PROCR: variants seen among roughly 807,000 people sequenced by gnomAD.
PROCR encodes endothelial protein C receptor.
PROCR carries 22 observed loss-of-function variants against 24.2 expected under a neutral mutation model. The observed-to-expected ratio is 0.91, with a 90% CI of 0.65 to 1.30. The LOEUF (loss-of-function observed/expected upper bound fraction) is 1.30. PROCR is among the 50% of genes most tolerant of loss of function. PROCR has a pLI of 0.00. For missense variants in PROCR, 288 were observed against 307.7 expected, an observed-to-expected ratio of 0.94 and a Z score of 0.48; for synonymous variants, 137 against 139.2, an observed-to-expected ratio of 0.98 and a Z score of 0.11.
intron 1 of PROCR, among the ~76,000 whole-genome samples, chr20:35,172,773 G>A (rs879913496): frequency 2.0e-5 from 3 of 152,122 alleles, no homozygotes; most frequent in Non-Finnish European, 4.4e-5. Context: ...CTACTGAAGT[G>A]GCCCTGTTTA....
intron 1 of PROCR, 182 bp from the exon 2 acceptor site, chr20:35,174,520 C>T (rs2085985587): frequency 5.3e-6 from 4 of 752,236 alleles, no homozygotes; most frequent in Admixed American, 2.0e-5. Context: ...ATAATAATCC[C>T]TGTCCTGTCC....
rs374186926 is a variant in PROCR, at chr20:35,173,627, G to A, written c.71-1075G>A. ...GTATTTTTAGTACAGATGGGGTTTC[G>A]CCATGTTGGCCAGGCTGGTCTTGAA... On this transcript the variant is annotated intron_variant, in intron 1 of 3. Transcript: ENST00000216968. 3.2e-4 allele frequency among the ~76,000 whole-genome samples: 49 copies of A among 151,792 alleles called. 2 individuals carry two copies. The South Asian group carries it at 7.7e-3, about 24-fold the overall frequency.
chr20:35,208,432 T>G (rs2060349890), intron 1 of PROCR, among the ~76,000 whole-genome samples: 1 of 152,208 alleles, frequency 6.6e-6, no homozygotes, highest in African/African-American at 2.4e-5. Context: ...CATCTGCTTA[T>G]CTCTTTTGAT....
chr20:35,200,906 A>G (rs2060315879), intron 1 of PROCR, among the ~76,000 whole-genome samples: 1 of 152,126 alleles, frequency 6.6e-6, no homozygotes, highest in African/African-American at 2.4e-5. Flanking sequence ...CCTCGGCCTC[A>G]CAAATTGCTA....
At chr20:35,178,506 A>ATTTTTTTTTTT (rs1568592367), downstream of PROCR, among the ~76,000 whole-genome samples, 1 of 41,548 alleles carries the variant, frequency 2.4e-5, no homozygotes, top group African/African-American at 1.9e-4. Flanking sequence ...TTCAAGTCTC[A>ATTTTTTTTTTT]GTTTTTTTTT....
intron 1 of PROCR, among the ~76,000 whole-genome samples, chr20:35,208,769 G>A (rs546140810): frequency 2.0e-5 from 3 of 152,276 alleles, no homozygotes; most frequent in Admixed American, 1.3e-4. Flanking sequence ...GAGGCCAGGA[G>A]TTCAAGACCA....
rs200839239 is a variant in PROCR at position 35,205,910 on chromosome 20, C to G, written c.95-9983C>G. On this transcript the variant is annotated intron_variant, in intron 1 of 1. Transcript: ENST00000634509. ...ATATGTGTATGACCTCCGGTGATCC[C>G]CCCCCCAACCTCGGCCTCCCAAAGT... 1.3e-3 allele frequency among the ~76,000 whole-genome samples: 185 copies of G among 147,684 alleles called. No individual in the cohort carries two copies. The East Asian group carries it at 0.015, about 12-fold the overall frequency.
At chr20:35,176,661 G>T (rs779456644) in intron 3 of PROCR, 37 bp from the exon 4 acceptor site, 2 of 1,581,600 alleles carry the variant, frequency 1.3e-6, no homozygotes, top group Non-Finnish European at 1.7e-6. Context: ...CTCCTTGGGG[G>T]CCTATTCTTC....
Position 35,174,697 on chromosome 20 carries a change from C to G in PROCR, c.71-5C>G, listed in dbSNP as rs772868926. 4.3e-6 allele frequency: 7 copies of G among 1,613,862 alleles called. No homozygotes were observed. Among genetic ancestry groups the G allele is most frequent in the Non-Finnish European group, 5.9e-6 (7 of 1,179,982 alleles). ...GGCCCAGGCTGAAGCTGACTCTGCC[C>G]GCAGGCCTCCAAAGACTTCATATGC... is the stretch of plus-strand genomic sequence containing the variant. On this transcript the variant is annotated splice_region_variant and splice_polypyrimidine_tract_variant and intron_variant, in intron 1 of 3. Transcript: ENST00000216968.
intron 1 of PROCR, among the ~76,000 whole-genome samples, chr20:35,172,474 G>C (rs1600731777): frequency 1.3e-5 from 2 of 152,152 alleles, no homozygotes; most frequent in African/African-American, 4.8e-5. Context: ...GGAAACATGA[G>C]AAAGAAACCA....
chr20:35,189,347 C>T (rs1253177503), intron 1 of PROCR, among the ~76,000 whole-genome samples: 2 of 152,178 alleles, frequency 1.3e-5, no homozygotes, highest in Non-Finnish European at 2.9e-5. Flanking sequence ...ACACCCTGGT[C>T]TCCTGCAGCG....
chr20:35,182,831 A>G (rs942091944), intron 1 of PROCR, among the ~76,000 whole-genome samples: 1 of 152,052 alleles, frequency 6.6e-6, no homozygotes, highest in African/African-American at 2.4e-5. Context: ...AAAATTAGCC[A>G]GGCATGGTGG....
At chr20:35,177,564 C>T (rs1198732814), downstream of PROCR, among the ~76,000 whole-genome samples, 1 of 149,780 alleles carries the variant, frequency 6.7e-6, no homozygotes, top group African/African-American at 2.5e-5. Flanking sequence ...TCTCCTGCCT[C>T]AGCCTCCCAA....
At chr20:35,192,545 C>CG (rs1336304531) in intron 1 of PROCR, among the ~76,000 whole-genome samples, 4 of 152,098 alleles carry the variant, frequency 2.6e-5, no homozygotes, top group African/African-American at 9.7e-5. Flanking sequence ...GCATATCCCC[C>CG]GGGTTGCTTT....
chr20:35,172,374 A>G, intron 1 of PROCR, 150 bp downstream of exon 1: 1 of 1,028,942 alleles, frequency 9.7e-7, no homozygotes, highest in Non-Finnish European at 1.5e-6. Flanking sequence ...AGTCTTGGGG[A>G]CTGGTTCGTG....
intron 2 of PROCR, among the ~76,000 whole-genome samples, chr20:35,175,423 C>T (rs2086002111): frequency 6.7e-6 from 1 of 149,638 alleles, no homozygotes; most frequent in South Asian, 2.2e-4. Context: ...CCAAGTTCTT[C>T]TCTCAAAGCC....
At chr20:35,205,326 A>C (rs1367640578) in intron 1 of PROCR, among the ~76,000 whole-genome samples, 1 of 151,572 alleles carries the variant, frequency 6.6e-6, no homozygotes, top group African/African-American at 2.4e-5. Flanking sequence ...TTGGCAGACT[A>C]AGGAAGAAAA....
intron 1 of PROCR, among the ~76,000 whole-genome samples, chr20:35,188,855 G>A (rs1430996404): frequency 3.3e-5 from 5 of 152,172 alleles, no homozygotes; most frequent in African/African-American, 9.7e-5. Flanking sequence ...TGCTGAAGCC[G>A]TGACAGAAGA....
At chr20:35,186,814 A>C (rs371213589) in intron 1 of PROCR, among the ~76,000 whole-genome samples, 3 of 151,732 alleles carry the variant, frequency 2.0e-5, no homozygotes, top group Non-Finnish European at 2.9e-5. Flanking sequence ...AGAGCTGGGC[A>C]TGGTGGCACG....
Sources: allele counts gnomAD v4.1 joint callset (sites outside exome capture counted in the v4.1 genomes callset), GRCh38; gene constraint gnomAD v4.1.1; transcripts MANE v1.5; gene names NCBI Gene and HGNC (gene_info 2026-07-23, HGNC 2026-07-21).